PTPRT: variants seen among roughly 807,000 people sequenced by gnomAD.
PTPRT encodes the protein receptor-type tyrosine-protein phosphatase T.
PTPRT carries 56 observed loss-of-function variants against 176.8 expected under a neutral mutation model. The observed-to-expected ratio is 0.32, with a 90% CI of 0.26 to 0.40. PTPRT has a LOEUF of 0.40. PTPRT is among the 10% of genes least tolerant of loss of function. The pLI is 1.00. For synonymous variants in PTPRT, 783 were observed against 739.0 expected (o/e 1.06, Z -0.96); for missense variants, 1,540 against 1,908.2 (o/e 0.81, Z 3.60).
chr20:43,067,544 G>A lies in PTPRT; in HGVS notation c.88+122102C>T, dbSNP rs977010066. On this transcript the variant is annotated intron_variant, in intron 1 of 30. Transcript: ENST00000373187. The stretch of plus-strand genomic sequence containing the variant: ...TTTTAAAAGAAAGGAGTCAGTCCCT[G>A]GAGATTTTGGAGCAGAGGAGTGATA... 1.1e-4 allele frequency among the ~76,000 whole-genome samples: 17 copies of A among 152,164 alleles called. 1 individual carries two copies. Among genetic ancestry groups the A allele is most frequent in the Admixed American group, 6.5e-4 (10 of 15,278 alleles).
chr20:42,065,860 T>A, the PTPRT span, among the ~76,000 whole-genome samples: 1 of 152,146 alleles, frequency 6.6e-6, no homozygotes, highest in East Asian at 1.9e-4. Flanking sequence ...TAACAAAGTA[T>A]CCTACAATTA....
chr20:42,200,048 A>C (rs1991387442), intron 15 of PTPRT, among the ~76,000 whole-genome samples: 1 of 134,474 alleles, frequency 7.4e-6, no homozygotes, highest in African/African-American at 2.9e-5. Flanking sequence ...TCACCTGAAG[A>C]GTCACAAAAA....
chr20:42,887,488 G>A (rs528656354), intron 1 of PTPRT, among the ~76,000 whole-genome samples: 1 of 152,248 alleles, frequency 6.6e-6, no homozygotes, highest in South Asian at 2.1e-4. Context: ...TTTTGTTATG[G>A]CAGCCTAAAT....
chr20:42,622,749 G>A (rs2074221645), intron 7 of PTPRT, among the ~76,000 whole-genome samples: 1 of 152,084 alleles, frequency 6.6e-6, no homozygotes, highest in South Asian at 2.1e-4. Flanking sequence ...TGTTAGCCTG[G>A]GGTAAAAAAA....
At chr20:42,754,722 C>T (rs2076806734) in intron 6 of PTPRT, among the ~76,000 whole-genome samples, 1 of 152,150 alleles carries the variant, frequency 6.6e-6, no homozygotes, top group Non-Finnish European at 1.5e-5. Context: ...AAGTGCCTAA[C>T]TTGTTGATCT....
chr20:42,080,191 A>G lies in PTPRT; in HGVS notation c.*688T>C, dbSNP rs1020418369. 4 of 232,576 alleles carry G rather than the reference A, an allele frequency of 1.7e-5. No individual in the cohort carries two copies. Among genetic ancestry groups the G allele is most frequent in the African/African-American group, 8.8e-5 (4 of 45,288 alleles). The allele number at this position is 232,576 out of a possible 1,614,324, so 14.4% of individuals were successfully genotyped here. Reference sequence around the variant, plus strand: ...CTGACCACACAAAAAAGCAAAGAACACCTTTATCAAAAACTGCTGTGGACA... The same window carrying G: ...CTGACCACACAAAAAAGCAAAGAACGCCTTTATCAAAAACTGCTGTGGACA... On this transcript the variant is annotated 3_prime_UTR_variant, in exon 31 of 31. Coordinates refer to ENST00000373187, the MANE Select transcript of PTPRT (RefSeq NM_007050.6).
intron 7 of PTPRT, among the ~76,000 whole-genome samples, chr20:42,595,293 T>C (rs79673673): frequency 0.055 from 8,419 of 152,104 alleles, 475 homozygotes; most frequent in African/African-American, 0.15. Context: ...CTCACCACCA[T>C]TGACATTTTG....
At chr20:42,499,154 A>C (rs1436007790) in intron 7 of PTPRT, among the ~76,000 whole-genome samples, 1 of 152,060 alleles carries the variant, frequency 6.6e-6, no homozygotes, top group Non-Finnish European at 1.5e-5. Context: ...TGGCTACAAA[A>C]TTAACTGTAG....
chr20:42,371,102 G>T (rs1318171521), intron 9 of PTPRT, among the ~76,000 whole-genome samples: 3 of 152,204 alleles, frequency 2.0e-5, no homozygotes, highest in Non-Finnish European at 4.4e-5. Context: ...TGCACAACTT[G>T]CAGGAGCATT....
chr20:42,831,586 A>G (rs1335052016), intron 2 of PTPRT, among the ~76,000 whole-genome samples: 2 of 152,314 alleles, frequency 1.3e-5, no homozygotes, highest in East Asian at 1.9e-4. Flanking sequence ...AACAGAGTAA[A>G]CAGACAACCT....
At chr20:42,440,859 C>A (rs1376793552) in intron 9 of PTPRT, among the ~76,000 whole-genome samples, 1 of 152,174 alleles carries the variant, frequency 6.6e-6, no homozygotes. Flanking sequence ...TGAAAGGCAT[C>A]GGCTGGGGAA....
At chr20:42,123,897 C>A (rs534862584) in intron 19 of PTPRT, among the ~76,000 whole-genome samples, 1 of 152,326 alleles carries the variant, frequency 6.6e-6, no homozygotes, top group Admixed American at 6.5e-5. Context: ...ACTATTCTTT[C>A]TTCATTTACA....
chr20:43,065,420 T>C (rs536306062), intron 1 of PTPRT, among the ~76,000 whole-genome samples: 36 of 152,274 alleles, frequency 2.4e-4, no homozygotes, highest in African/African-American at 7.9e-4. Context: ...AATAGGCCCA[T>C]ACCTAATGAC....
intron 6 of PTPRT, among the ~76,000 whole-genome samples, chr20:42,688,790 T>G (rs2075743373): frequency 6.6e-6 from 1 of 152,088 alleles, no homozygotes. Context: ...AGCGACACAG[T>G]GAGGCAGGTA....
intron 10 of PTPRT, among the ~76,000 whole-genome samples, chr20:42,351,750 C>G (rs1313433845): frequency 1.3e-5 from 2 of 152,136 alleles, no homozygotes; most frequent in African/African-American, 4.8e-5. Flanking sequence ...GCGCTAATGT[C>G]TTGTTCTGGC....
intron 13 of PTPRT, chr20:42,270,264 G>T: frequency 1.3e-6 from 1 of 757,928 alleles, no homozygotes; most frequent in Non-Finnish European, 2.2e-6. Context: ...GGGTTGATGG[G>T]TGAATGGGTG....
intron 17 of PTPRT, among the ~76,000 whole-genome samples, chr20:42,155,854 T>C (rs1568976396): frequency 6.6e-6 from 1 of 152,212 alleles, no homozygotes; most frequent in Non-Finnish European, 1.5e-5. Flanking sequence ...GTCCCTGCTC[T>C]GATCTCTACA....
At chr20:42,184,541 C>CTCTTCTTCTTCTTCTTCTTCTTCT (rs1385842092) in intron 16 of PTPRT, among the ~76,000 whole-genome samples, 3,456 of 91,516 alleles carry the variant, frequency 0.038, 443 homozygotes, top group East Asian at 0.072. Context: ...CTTCCTCTTC[C>CTCTTCTTCTTCTTCTTCTTCTTCT]TCTTCTTCTT....
Position 42,678,119 on chromosome 20 carries a change from C to T in PTPRT, c.900G>A (p.Val300=), listed in dbSNP as rs2146068676. Residue 300 remains valine, a synonymous_variant, in exon 7 of 31, where the codon GTG becomes GTA. Coordinates refer to ENST00000373187, the MANE Select transcript of PTPRT (RefSeq NM_007050.6). ...TPIAPPELLA[V]GATYLWIKPN... ...GCTTGATCCACAGGTATGTGGCCCC[C>T]ACAGCCAGCAGCTCTGGGGGAGCAA... 3.7e-6 allele frequency: 6 copies of T among 1,614,068 alleles called. No individual in the cohort carries two copies. Among genetic ancestry groups the T allele is most frequent in the South Asian group, 1.1e-5 (1 of 91,076 alleles).
Sources: gnomAD v4.1 joint callset for allele counts (sites outside exome capture counted in the v4.1 genomes callset) on GRCh38, gnomAD v4.1.1 for gene constraint, MANE v1.5 for transcripts, NCBI Gene and HGNC (gene_info 2026-07-23, HGNC 2026-07-21) for gene names.